The following PRKN variants were observed in gnomAD, a reference collection of about 807,000 sequenced individuals.
PRKN encodes the protein parkin RBR E3 ubiquitin protein ligase.
Under a neutral mutation model 59.5 loss-of-function variants are expected in PRKN, and 56 were observed. The observed-to-expected ratio is 0.94, with a 90% CI of 0.76 to 1.18. The LOEUF is 1.18. PRKN is among the 50% of genes most tolerant of loss of function. The pLI, the probability that PRKN is intolerant of heterozygous loss-of-function variation, is 0.00. For missense variants in PRKN, 657 were observed against 596.4 expected, an observed-to-expected ratio of 1.10 and a Z score of -1.06; for synonymous variants, 250 against 222.1, an observed-to-expected ratio of 1.13 and a Z score of -1.12.
At chr6:162,552,001 GTATCCT>G (rs1176284084) in intron 1 of PRKN, among the ~76,000 whole-genome samples, 1 of 152,108 alleles carries the variant, frequency 6.6e-6, no homozygotes, top group Non-Finnish European at 1.5e-5. Flanking sequence ...GAATAACTAG[GTATCCT>G]ACCTAGAAAA....
At chr6:162,326,831 G>A (rs1161004003) in intron 2 of PRKN, among the ~76,000 whole-genome samples, 3 of 152,050 alleles carry the variant, frequency 2.0e-5, no homozygotes, top group South Asian at 2.1e-4. Flanking sequence ...GACTTGCTTG[G>A]GGTTTATGAA....
In PRKN at chr6:161,460,270, C is replaced by G. The variant is rs985585317; in HGVS notation, c.1084-73393G>C. ...TTTATTTAATTCTTGTTGATGGGCA[C>G]CGTGTGTTTACAGAGGAGAGTGCCT... On this transcript the variant is annotated intron_variant, in intron 9 of 11. Coordinates refer to ENST00000366898, the MANE Select transcript of PRKN (RefSeq NM_004562.3). This position sits in a 1 kb window ranked among gnomAD's most constrained non-coding sequence, Gnocchi z 5.0. 6.6e-6 allele frequency among the ~76,000 whole-genome samples: 1 copy of G among 152,104 alleles called. No individual in the cohort carries two copies. Among genetic ancestry groups the G allele is most frequent in the African/African-American group, 2.4e-5 (1 of 41,406 alleles).
At chr6:161,945,718 C>T (rs1421024656) in intron 6 of PRKN, among the ~76,000 whole-genome samples, 1 of 152,206 alleles carries the variant, frequency 6.6e-6, no homozygotes, top group Non-Finnish European at 1.5e-5. Context: ...CTACCCCCTA[C>T]CTTTCAAAAT....
intron 4 of PRKN, among the ~76,000 whole-genome samples, chr6:162,133,924 A>T (rs1781471356): frequency 6.6e-6 from 1 of 151,930 alleles, no homozygotes; most frequent in Non-Finnish European, 1.5e-5. Flanking sequence ...ATATTTTTTG[A>T]GGCATTTTTA....
chr6:161,468,661 T>C lies in PRKN; in HGVS notation c.1083+80193A>G, dbSNP rs1170063381. Among the ~76,000 whole-genome samples, 1 of 152,222 alleles carries C rather than the reference T, an allele frequency of 6.6e-6. No homozygotes were observed. Among genetic ancestry groups the C allele is most frequent in the Non-Finnish European group, 1.5e-5 (1 of 68,036 alleles). On this transcript the variant is annotated intron_variant, in intron 9 of 11. Coordinates refer to ENST00000366898, the MANE Select transcript of PRKN (RefSeq NM_004562.3). The surrounding 1 kb of genome is among the most constrained non-coding windows in gnomAD (Gnocchi z 5.9). The stretch of plus-strand genomic sequence containing the variant: ...CCACAGTCTAAGTTACCATCTCCTG[T>C]CCTTGCATCCATGGCCGGGGAATTA...
rs796642069 is a variant in PRKN at position 161,578,091 on chromosome 6, T to G, written c.872-8675A>C. 1.3e-5 allele frequency among the ~76,000 whole-genome samples: 2 copies of G among 151,672 alleles called. No individual in the cohort carries two copies. The highest frequency in any genetic ancestry group is 2.4e-5 in the African/African-American group (1 of 41,370). ...ATAAGACGCACACCAACAAACCAAG[T>G]AGATGTAGAAAGAGCCAAGTGAGCA... On this transcript the variant is annotated intron_variant, in intron 7 of 11. Coordinates refer to ENST00000366898, the MANE Select transcript of PRKN (RefSeq NM_004562.3). This position sits in a 1 kb window ranked among gnomAD's most constrained non-coding sequence, Gnocchi z 4.2.
intron 5 of PRKN, among the ~76,000 whole-genome samples, chr6:162,036,527 C>T (rs1398463501): frequency 6.6e-6 from 1 of 151,182 alleles, no homozygotes; most frequent in Non-Finnish European, 1.5e-5. Context: ...TTACAGGCAC[C>T]TGCCACCACG....
intron 1 of PRKN, among the ~76,000 whole-genome samples, chr6:162,540,965 T>C (rs1016131989): frequency 6.6e-6 from 1 of 152,200 alleles, no homozygotes; most frequent in Admixed American, 6.5e-5. Flanking sequence ...TTTGACATCT[T>C]AATACTTTTA....
At chr6:161,991,275 T>C (rs547228998) in intron 5 of PRKN, among the ~76,000 whole-genome samples, 1 of 152,226 alleles carries the variant, frequency 6.6e-6, no homozygotes, top group South Asian at 2.1e-4. Flanking sequence ...AAGGACAATA[T>C]GTACCATCAC....
At chr6:162,630,793 T>G (rs1436617766) in intron 1 of PRKN, among the ~76,000 whole-genome samples, 1 of 152,188 alleles carries the variant, frequency 6.6e-6, no homozygotes, top group African/African-American at 2.4e-5. Flanking sequence ...TGTCTTACAC[T>G]TGTATTTGGA....
intron 9 of PRKN, among the ~76,000 whole-genome samples, chr6:161,392,138 C>T (rs933267608): frequency 3.3e-4 from 50 of 151,962 alleles, no homozygotes; most frequent in African/African-American, 1.2e-3. Context: ...GGGGTTTCAC[C>T]GTCTTGGCCA....
chr6:161,915,126 A>G (rs1479573463), intron 6 of PRKN, among the ~76,000 whole-genome samples: 2 of 152,090 alleles, frequency 1.3e-5, no homozygotes, highest in Non-Finnish European at 2.9e-5. Flanking sequence ...CTCTACTAAA[A>G]ATACAAAAAA....
chr6:162,359,079 A>AAAATATATATATATATAT (rs57265104), intron 2 of PRKN, among the ~76,000 whole-genome samples: 1 of 83,240 alleles, frequency 1.2e-5, no homozygotes, highest in African/African-American at 7.3e-5. Context: ...AAAAAAAAAA[A>AAAATATATATATATATAT]ATATATATAT....
chr6:161,392,967 C>T (rs371092513), intron 9 of PRKN, among the ~76,000 whole-genome samples: 4 of 151,950 alleles, frequency 2.6e-5, no homozygotes, highest in African/African-American at 4.8e-5. Flanking sequence ...TCTGTGAAAT[C>T]GTGTACTAGA....
chr6:162,312,585 T>C (rs1345702120), intron 2 of PRKN, among the ~76,000 whole-genome samples: 2 of 152,110 alleles, frequency 1.3e-5, no homozygotes, highest in Non-Finnish European at 2.9e-5. Context: ...TTAGGAGAAA[T>C]GTGTGGGATG....
chr6:162,536,973 T>C (rs553013417), intron 1 of PRKN, among the ~76,000 whole-genome samples: 26 of 152,242 alleles, frequency 1.7e-4, no homozygotes, highest in African/African-American at 5.5e-4. Context: ...TGTTGACCAA[T>C]TGTATGTTTT....
chr6:162,068,517 C>A (rs1778433929), intron 4 of PRKN, among the ~76,000 whole-genome samples: 1 of 152,202 alleles, frequency 6.6e-6, no homozygotes, highest in African/African-American at 2.4e-5. Context: ...AGCTTCTAAG[C>A]TCTCTCAGGC....
intron 1 of PRKN, among the ~76,000 whole-genome samples, chr6:162,639,582 T>C (rs1389687853): frequency 2.0e-5 from 3 of 152,128 alleles, no homozygotes; most frequent in Non-Finnish European, 2.9e-5. Context: ...TAGACAAAAA[T>C]CTGTACATTC....
At chr6:162,615,222 T>C (rs1257418835) in intron 1 of PRKN, among the ~76,000 whole-genome samples, 2 of 152,194 alleles carry the variant, frequency 1.3e-5, no homozygotes, top group Non-Finnish European at 2.9e-5. Flanking sequence ...AACCTAAGCA[T>C]ACAATTAACA....
Sources: allele counts gnomAD v4.1 joint callset (sites outside exome capture counted in the v4.1 genomes callset), GRCh38; gene constraint gnomAD v4.1.1; non-coding constraint Gnocchi (gnomAD v3.1); transcripts MANE v1.5; gene names NCBI Gene and HGNC (gene_info 2026-07-23, HGNC 2026-07-21).